Variants in CFAP299 observed in about 807,000 individuals in gnomAD.
The protein encoded by CFAP299 is cilia and flagella associated protein 299, also known as cilia- and flagella-associated protein 299.
CFAP299 carries 21 observed loss-of-function variants against 27.0 expected under a neutral mutation model. The ratio of observed to expected loss-of-function variants is 0.78; its 90% CI spans 0.55 to 1.12. The LOEUF (loss-of-function observed/expected upper bound fraction) is 1.12, where lower values mean the gene tolerates loss of function less well. CFAP299 is among the 50% of genes most tolerant of loss of function. The pLI is 0.00. For synonymous variants in CFAP299, 104 were observed against 98.1 expected, an observed-to-expected ratio of 1.06 and a Z score of -0.36; for missense variants, 310 against 276.6, an observed-to-expected ratio of 1.12 and a Z score of -0.86.
At chr4:80,375,444 T>A (rs968003821) in intron 2 of CFAP299, among the ~76,000 whole-genome samples, 1 of 152,194 alleles carries the variant, frequency 6.6e-6, no homozygotes, top group African/African-American at 2.4e-5. Context: ...GTGTTGGGCC[T>A]GTCTGCACAT....
At chr4:80,818,619 G>A (rs1445725433) in intron 3 of CFAP299, among the ~76,000 whole-genome samples, 1 of 151,970 alleles carries the variant, frequency 6.6e-6, no homozygotes, top group Non-Finnish European at 1.5e-5. Flanking sequence ...CATACAAAAA[G>A]TCATCAAACC....
At chr4:80,572,756 A>G (rs1735656925) in intron 2 of CFAP299, among the ~76,000 whole-genome samples, 1 of 151,628 alleles carries the variant, frequency 6.6e-6, no homozygotes. Flanking sequence ...TGATGTCGTT[A>G]TCCGCCCACC....
intron 3 of CFAP299, among the ~76,000 whole-genome samples, chr4:80,684,010 T>C (rs904309647): frequency 6.6e-6 from 1 of 152,342 alleles, no homozygotes; most frequent in Non-Finnish European, 1.5e-5. Context: ...ACTTCAATTC[T>C]GTATATTTAA....
At chr4:80,583,668 T>A (rs1736286946) in intron 3 of CFAP299, among the ~76,000 whole-genome samples, 1 of 151,946 alleles carries the variant, frequency 6.6e-6, no homozygotes, top group Non-Finnish European at 1.5e-5. Flanking sequence ...AAGGAGAATA[T>A]ACTTTTACTT....
intron 2 of CFAP299, among the ~76,000 whole-genome samples, chr4:80,363,932 C>A (rs1279231417): frequency 6.6e-6 from 1 of 151,904 alleles, no homozygotes; most frequent in African/African-American, 2.4e-5. Context: ...ACTAAAAATA[C>A]AAAAAATTAG....
intron 2 of CFAP299, among the ~76,000 whole-genome samples, chr4:80,417,730 T>G (rs1159941194): frequency 1.3e-5 from 2 of 152,166 alleles, no homozygotes; most frequent in East Asian, 1.9e-4. Flanking sequence ...AAGGAGTGAT[T>G]GTAATGCCCC....
intron 2 of CFAP299, among the ~76,000 whole-genome samples, chr4:80,366,265 C>T (rs965176120): frequency 2.0e-5 from 3 of 152,156 alleles, no homozygotes; most frequent in Non-Finnish European, 4.4e-5. Flanking sequence ...CTTTAATATG[C>T]AGGTGAGCAA....
chr4:80,879,233 TGTGCA>T (rs1733569439), intron 4 of CFAP299, among the ~76,000 whole-genome samples: 2 of 152,286 alleles, frequency 1.3e-5, no homozygotes, highest in Non-Finnish European at 2.9e-5. Flanking sequence ...AGGAAGAATT[TGTGCA>T]GTGGTCCAAC....
chr4:80,936,849 A>C (rs1324244224), intron 4 of CFAP299, among the ~76,000 whole-genome samples: 1 of 152,206 alleles, frequency 6.6e-6, no homozygotes, highest in East Asian at 1.9e-4. Flanking sequence ...TTGTTATATG[A>C]CCTAAGATAT....
In CFAP299 at chr4:80,692,514, C is replaced by A. The variant is rs566915714; in HGVS notation, c.333+109331C>A. Among the ~76,000 whole-genome samples the A allele has an allele frequency of 2.6e-5, 4 of 152,244 alleles. No homozygotes were observed. In the South Asian group the frequency reaches 6.2e-4, roughly 24 times the overall value. ...CATATGTAGAAAGCTGAAATTGGAT[C>A]CCTTCCTTACACCTTATACAAAAAT... On this transcript the variant is annotated intron_variant, in intron 3 of 5. Coordinates refer to ENST00000358105, the MANE Select transcript of CFAP299 (RefSeq NM_152770.3).
At chr4:80,339,073 A>G (rs1722307250) in intron 1 of CFAP299, among the ~76,000 whole-genome samples, 1 of 152,150 alleles carries the variant, frequency 6.6e-6, no homozygotes, top group African/African-American at 2.4e-5. Context: ...ATTCCCTGCC[A>G]TCTTCCTACT....
chr4:80,679,858 G>A (rs756276821), intron 3 of CFAP299, among the ~76,000 whole-genome samples: 2 of 151,370 alleles, frequency 1.3e-5, no homozygotes, highest in Non-Finnish European at 2.9e-5. Flanking sequence ...TGTCAGATAC[G>A]TGGTTTGCAA....
Position 80,934,615 on chromosome 4 carries a change from A to T in CFAP299, c.477-10195A>T, listed in dbSNP as rs58495821. Among the ~76,000 whole-genome samples the T allele has an allele frequency of 3.6e-3, 550 of 151,634 alleles. 2 individuals are homozygous for T. The highest frequency in any genetic ancestry group is 0.012 in the African/African-American group (516 of 41,362). ...TAGATTTTCTCTTTTTTCAAGATTC[A>T]ATCTTGTTAGGTTGGATGGTTCCAG... On this transcript the variant is annotated intron_variant, in intron 4 of 5. Transcript: ENST00000358105.
chr4:80,676,149 G>C (rs190694412), intron 3 of CFAP299, among the ~76,000 whole-genome samples: 2 of 152,222 alleles, frequency 1.3e-5, no homozygotes, highest in Admixed American at 6.5e-5. Context: ...GACCCAAGCT[G>C]TTCCTATTCG....
chr4:80,557,872 C>T (rs1225840693), intron 2 of CFAP299, among the ~76,000 whole-genome samples: 1 of 152,066 alleles, frequency 6.6e-6, no homozygotes, highest in Non-Finnish European at 1.5e-5. Context: ...GATTGGTTTC[C>T]AGTTACAGTA....
chr4:80,428,595 T>C (rs1318599521), intron 2 of CFAP299, among the ~76,000 whole-genome samples: 1 of 152,100 alleles, frequency 6.6e-6, no homozygotes, highest in African/African-American at 2.4e-5. Context: ...GGTGCTATCT[T>C]GGCTCACTGC....
At chr4:80,542,129 C>A (rs1734023679) in intron 2 of CFAP299, among the ~76,000 whole-genome samples, 1 of 152,256 alleles carries the variant, frequency 6.6e-6, no homozygotes, top group South Asian at 2.1e-4. Context: ...GGTTCTTCAG[C>A]CTTTGGACTC....
rs1560543780 is a variant in CFAP299, at chr4:80,390,823, G to GTATATGTATATATGTATACACACA, written c.242+27957_242+27958insCACACATATATGTATATATGTATA. 1.8e-4 allele frequency among the ~76,000 whole-genome samples: 18 copies of GTATATGTATATATGTATACACACA among 99,146 alleles called. No individual in the cohort carries two copies. In the South Asian group the frequency reaches 3.5e-3, roughly 19 times the overall value. The allele number at this position is 99,146 out of a possible 152,430, so 65.0% of individuals were successfully genotyped here. A position where few individuals can be genotyped will look rare whatever the true frequency, so the allele number is the denominator to read the frequency against. ...TGTATATATGTATACACACATATAT[G>GTATATGTATATATGTATACACACA]TATATGTATATATGTATATACACAT... is the stretch of plus-strand genomic sequence containing the variant. On this transcript the variant is annotated intron_variant, in intron 2 of 5. Transcript: ENST00000358105.
intron 3 of CFAP299, among the ~76,000 whole-genome samples, chr4:80,759,463 C>A (rs1725432729): frequency 6.6e-6 from 1 of 152,116 alleles, no homozygotes; most frequent in Non-Finnish European, 1.5e-5. Flanking sequence ...GGGCAACTGT[C>A]ATCATGGTTG....
Sources: allele counts gnomAD v4.1 joint callset (sites outside exome capture counted in the v4.1 genomes callset), GRCh38; gene constraint gnomAD v4.1.1; transcripts MANE v1.5; gene names NCBI Gene and HGNC (gene_info 2026-07-23, HGNC 2026-07-21).